EFCAB11: variants seen among roughly 807,000 people sequenced by gnomAD.
The protein encoded by EFCAB11 is EF-hand calcium binding domain 11.
EFCAB11 carries 14 observed loss-of-function variants against 23.0 expected under a neutral mutation model. The ratio of observed to expected loss-of-function variants is 0.61; its 90% confidence interval spans 0.40 to 0.95. The LOEUF (loss-of-function observed/expected upper bound fraction) is 0.95, where lower values mean the gene tolerates loss of function less well. Among genes scored for constraint, EFCAB11 ranks in the 40% least tolerant of loss-of-function variants. The pLI, the probability that EFCAB11 is intolerant of heterozygous loss-of-function variation, is 0.00. For missense variants in EFCAB11, 198 were observed against 195.8 expected, an observed-to-expected ratio of 1.01 and a Z score of -0.07; for synonymous variants, 65 against 66.6, an observed-to-expected ratio of 0.98 and a Z score of 0.11.
At chr14:89,924,489 G>A in intron 5 of EFCAB11, 1 of 1,400,152 alleles carries the variant, frequency 7.1e-7, no homozygotes, top group African/African-American at 1.5e-5. Flanking sequence ...CAGGTGGTGG[G>A]AATGTACAAA....
chr14:89,918,872 CAG>C (rs1566810564), intron 5 of EFCAB11, among the ~76,000 whole-genome samples: 2 of 151,482 alleles, frequency 1.3e-5, no homozygotes, highest in Non-Finnish European at 2.9e-5. Context: ...ATCCCTATAA[CAG>C]GGAACTGAAG....
chr14:89,883,535 G>A lies in EFCAB11; in HGVS notation c.410+48006C>T, dbSNP rs4904628. On this transcript the variant is annotated intron_variant, in intron 5 of 5. Coordinates refer to ENST00000316738, the MANE Select transcript of EFCAB11 (RefSeq NM_145231.4). ...GATTATTCATAATGCCTAATACATTGTAAATGGCATGTAAACAGTTGTTAT... is the reference window on the plus strand; with the variant it reads ...GATTATTCATAATGCCTAATACATTATAAATGGCATGTAAACAGTTGTTAT... Among the ~76,000 whole-genome samples the A allele has an allele frequency of 8.5e-4, 130 of 152,180 alleles. 3 individuals are homozygous for A. The highest frequency in any genetic ancestry group is 7.5e-3 in the Admixed American group (115 of 15,286).
At chr14:89,854,788 G>A (rs1666339053) in intron 5 of EFCAB11, among the ~76,000 whole-genome samples, 1 of 152,006 alleles carries the variant, frequency 6.6e-6, no homozygotes, top group African/African-American at 2.4e-5. Context: ...ACTTCTCCAT[G>A]TCCATCCACC....
intron 2 of EFCAB11, among the ~76,000 whole-genome samples, chr14:89,950,813 C>T (rs563894091): frequency 4.6e-5 from 7 of 152,254 alleles, no homozygotes; most frequent in South Asian, 4.1e-4. Context: ...CTTCTGGTCT[C>T]GAACCCTTCC....
chr14:89,878,325 A>G (rs1410928659), intron 5 of EFCAB11, among the ~76,000 whole-genome samples: 1 of 152,190 alleles, frequency 6.6e-6, no homozygotes, highest in Non-Finnish European at 1.5e-5. Flanking sequence ...GGGATGAATT[A>G]ATTTACTTGT....
At chr14:89,887,049 T>C (rs1248533633) in intron 5 of EFCAB11, among the ~76,000 whole-genome samples, 2 of 152,186 alleles carry the variant, frequency 1.3e-5, no homozygotes, top group Admixed American at 1.3e-4. Flanking sequence ...CTTTAATAAA[T>C]TCATTAATTT....
intron 1 of EFCAB11, among the ~76,000 whole-genome samples, 157 bp from the exon 2 acceptor site, chr14:89,954,158 C>T (rs943137516): frequency 1.2e-4 from 18 of 152,110 alleles, no homozygotes; most frequent in African/African-American, 4.3e-4. Context: ...CTCAAGAAAT[C>T]TTAAAGATGG....
intron 5 of EFCAB11, among the ~76,000 whole-genome samples, chr14:89,810,088 T>C (rs922466836): frequency 1.3e-5 from 2 of 152,226 alleles, no homozygotes; most frequent in South Asian, 2.1e-4. Flanking sequence ...CTGTGATTAG[T>C]GTTCCTCCTC....
chr14:89,856,485 G>A (rs982403159), intron 5 of EFCAB11, among the ~76,000 whole-genome samples: 7 of 152,016 alleles, frequency 4.6e-5, no homozygotes, highest in East Asian at 1.9e-4. Context: ...TCACCATGCC[G>A]TATTTTGAAT....
At chr14:89,882,158 T>C (rs1253833261) in intron 5 of EFCAB11, among the ~76,000 whole-genome samples, 1 of 152,218 alleles carries the variant, frequency 6.6e-6, no homozygotes, top group East Asian at 1.9e-4. Flanking sequence ...TGCCTGAGTG[T>C]TGAAAAACTT....
intron 5 of EFCAB11, among the ~76,000 whole-genome samples, chr14:89,838,550 A>T (rs748030545): frequency 8.5e-5 from 13 of 152,146 alleles, no homozygotes; most frequent in Non-Finnish European, 1.8e-4. Flanking sequence ...GAGAGAAAAT[A>T]TTTAATGCTG....
At chr14:89,936,975 C>T (rs572125817) in intron 3 of EFCAB11, among the ~76,000 whole-genome samples, 23 of 152,232 alleles carry the variant, frequency 1.5e-4, no homozygotes, top group South Asian at 4.1e-4. Context: ...CCTCCCACCC[C>T]GCCTCCAGAG....
At chr14:89,949,166 G>A (rs187628267) in intron 3 of EFCAB11, among the ~76,000 whole-genome samples, 19 of 151,850 alleles carry the variant, frequency 1.3e-4, no homozygotes, top group East Asian at 5.8e-4. Context: ...ATTAATGCTC[G>A]AGGAGATAAT....
At chr14:89,853,105 A>G (rs1478213580) in intron 5 of EFCAB11, among the ~76,000 whole-genome samples, 2 of 152,234 alleles carry the variant, frequency 1.3e-5, no homozygotes, top group Non-Finnish European at 2.9e-5. Flanking sequence ...CCTGATATTT[A>G]ATTAAATTAC....
intron 5 of EFCAB11, chr14:89,923,803 AT>A: frequency 1.0e-6 from 1 of 985,436 alleles, no homozygotes; most frequent in Non-Finnish European, 1.2e-6. Flanking sequence ...CTTGTTAGAG[AT>A]GGACCAGGAA....
At chr14:89,848,151 G>A (rs1041070567) in intron 5 of EFCAB11, among the ~76,000 whole-genome samples, 1 of 152,170 alleles carries the variant, frequency 6.6e-6, no homozygotes, top group African/African-American at 2.4e-5. Flanking sequence ...TCATTATCCT[G>A]TAAGTTAAAT....
chr14:89,887,891 A>G (rs1888843673), intron 5 of EFCAB11, among the ~76,000 whole-genome samples: 1 of 152,184 alleles, frequency 6.6e-6, no homozygotes, highest in East Asian at 1.9e-4. Context: ...TTTCTTGGAA[A>G]TGGATATAGC....
intron 5 of EFCAB11, among the ~76,000 whole-genome samples, chr14:89,860,465 G>A (rs1887888937): frequency 6.6e-6 from 1 of 152,100 alleles, no homozygotes; most frequent in African/African-American, 2.4e-5. Context: ...TGTTACTATA[G>A]GCATACTACC....
At chr14:89,833,936 C>G (rs1336785967) in intron 5 of EFCAB11, among the ~76,000 whole-genome samples, 1 of 152,160 alleles carries the variant, frequency 6.6e-6, no homozygotes, top group Non-Finnish European at 1.5e-5. Flanking sequence ...AATAGCTACA[C>G]CACTTCTGTT....
Sources: gnomAD v4.1 joint callset for allele counts (sites outside exome capture counted in the v4.1 genomes callset) on GRCh38, gnomAD v4.1.1 for gene constraint, MANE v1.5 for transcripts, NCBI Gene and HGNC (gene_info 2026-07-23, HGNC 2026-07-21) for gene names.